The following CCSER1 variants were observed in gnomAD, a reference collection of about 807,000 sequenced individuals.
The protein encoded by CCSER1 is coiled-coil serine rich protein 1.
A neutral mutation model predicts 82.0 loss-of-function variants in CCSER1; 41 were observed. The ratio of observed to expected loss-of-function variants is 0.50; its 90% CI spans 0.39 to 0.65. The LOEUF is 0.65. Among genes scored for constraint, CCSER1 ranks in the 30% least tolerant of loss-of-function variants. CCSER1 has a pLI of 0.00. For synonymous variants in CCSER1, 414 were observed against 383.9 expected (o/e 1.08, Z -0.92); for missense variants, 1,119 against 1,064.2 (o/e 1.05, Z -0.72).
intron 10 of CCSER1, among the ~76,000 whole-genome samples, chr4:91,355,803 G>C (rs1393584862): frequency 6.6e-6 from 1 of 152,144 alleles, no homozygotes; most frequent in East Asian, 1.9e-4. Flanking sequence ...CCAGTCTACT[G>C]ATGTGTAAGG....
rs545585412 is a variant in CCSER1, at chr4:91,147,640, C to T, written c.2217+61646C>T. ...CAGGTCTACAGTTTTATTTTCTGGC[C>T]CCTTAGGGTGGAGCACCAGCTGTGC... On this transcript the variant is annotated intron_variant, in intron 10 of 10. Transcript: ENST00000509176. 5.9e-5 allele frequency among the ~76,000 whole-genome samples: 9 copies of T among 152,234 alleles called. No homozygotes were observed. The South Asian group carries it at 1.2e-3, about 21-fold the overall frequency.
intron 7 of CCSER1, among the ~76,000 whole-genome samples, chr4:90,785,225 A>G (rs1277783972): frequency 6.6e-6 from 1 of 151,896 alleles, no homozygotes. Flanking sequence ...TTTTATGGAG[A>G]TGGGGTTTCA....
intron 10 of CCSER1, among the ~76,000 whole-genome samples, chr4:91,433,078 C>T (rs1159326541): frequency 1.3e-5 from 2 of 152,074 alleles, no homozygotes; most frequent in African/African-American, 2.4e-5. Flanking sequence ...ATATAAGCCA[C>T]ATTAATTTAC....
At chr4:90,388,265 G>A (rs1561145375) in intron 3 of CCSER1, among the ~76,000 whole-genome samples, 1 of 151,910 alleles carries the variant, frequency 6.6e-6, no homozygotes, top group African/African-American at 2.4e-5. Flanking sequence ...TTTGACACAA[G>A]AGTGACATAG....
At chr4:90,747,577 G>A (rs72875647) in intron 7 of CCSER1, among the ~76,000 whole-genome samples, 49,107 of 151,828 alleles carry the variant, frequency 0.32, 9,024 homozygotes, top group African/African-American at 0.51. Context: ...GTTTTCAGTA[G>A]GATATTCTCT....
intron 10 of CCSER1, among the ~76,000 whole-genome samples, chr4:91,197,770 C>A (rs1012664539): frequency 1.3e-5 from 2 of 152,146 alleles, no homozygotes; most frequent in East Asian, 1.9e-4. Flanking sequence ...CCTCACTATA[C>A]GTGCCCCCAT....
intron 5 of CCSER1, among the ~76,000 whole-genome samples, chr4:90,551,952 A>G (rs1268869469): frequency 6.6e-6 from 1 of 152,022 alleles, no homozygotes; most frequent in African/African-American, 2.4e-5. Context: ...GCTGAGGGCT[A>G]TTCTCTGTTT....
chr4:90,808,829 G>A (rs998413775), intron 7 of CCSER1, among the ~76,000 whole-genome samples: 1 of 152,102 alleles, frequency 6.6e-6, no homozygotes, highest in Non-Finnish European at 1.5e-5. Flanking sequence ...AAAATATTAT[G>A]GAGATTTCTC....
chr4:90,771,897 C>T (rs1752236540), intron 7 of CCSER1, among the ~76,000 whole-genome samples: 1 of 152,038 alleles, frequency 6.6e-6, no homozygotes, highest in Non-Finnish European at 1.5e-5. Context: ...ACCACTGGCA[C>T]TTGGTAGGAG....
chr4:90,722,988 C>T (rs1426849384), intron 6 of CCSER1, among the ~76,000 whole-genome samples: 1 of 151,906 alleles, frequency 6.6e-6, no homozygotes, highest in African/African-American at 2.4e-5. Context: ...GAGGTGAATT[C>T]ATTCTTTGGT....
chr4:90,942,106 C>T (rs1581161679), intron 9 of CCSER1, among the ~76,000 whole-genome samples: 1 of 152,140 alleles, frequency 6.6e-6, no homozygotes, highest in East Asian at 1.9e-4. Context: ...CACCATCATA[C>T]TCAGCTCATT....
chr4:90,572,274 C>G (rs1780201650), intron 5 of CCSER1, among the ~76,000 whole-genome samples: 1 of 152,118 alleles, frequency 6.6e-6, no homozygotes, highest in African/African-American at 2.4e-5. Context: ...TTTCTGCTTT[C>G]AGAATACTCT....
chr4:90,850,156 G>T (rs568261634), intron 8 of CCSER1, among the ~76,000 whole-genome samples: 1 of 152,192 alleles, frequency 6.6e-6, no homozygotes, highest in Non-Finnish European at 1.5e-5. Flanking sequence ...GCCTGTGGGT[G>T]TACAGGAGTC....
chr4:90,481,684 G>A (rs573284255), intron 5 of CCSER1, among the ~76,000 whole-genome samples: 41 of 152,164 alleles, frequency 2.7e-4, no homozygotes, highest in Non-Finnish European at 4.9e-4. Flanking sequence ...ATTGATTTTC[G>A]TATGTTGAAG....
At chr4:90,738,694 C>T (rs994178490) in intron 7 of CCSER1, among the ~76,000 whole-genome samples, 1 of 152,160 alleles carries the variant, frequency 6.6e-6, no homozygotes, top group Non-Finnish European at 1.5e-5. Context: ...GTGAATCCAG[C>T]CAGGCTTGTT....
chr4:91,085,167 G>T (rs939544817), intron 9 of CCSER1, among the ~76,000 whole-genome samples: 4 of 151,202 alleles, frequency 2.6e-5, no homozygotes, highest in Admixed American at 2.6e-4. Flanking sequence ...CATTGGTAAT[G>T]CAAATATATA....
intron 9 of CCSER1, among the ~76,000 whole-genome samples, chr4:90,965,537 A>G (rs1315824783): frequency 1.3e-5 from 2 of 152,178 alleles, no homozygotes; most frequent in East Asian, 1.9e-4. Context: ...TGGCCAATAC[A>G]TTCAAGATAA....
chr4:90,217,056 T>G (rs1186737663), intron 1 of CCSER1, among the ~76,000 whole-genome samples: 2 of 152,154 alleles, frequency 1.3e-5, no homozygotes, highest in African/African-American at 2.4e-5. Flanking sequence ...CTGTTGTAAA[T>G]GAGATTACAT....
At chr4:90,343,778 A>G (rs1156842905) in intron 3 of CCSER1, among the ~76,000 whole-genome samples, 1 of 152,108 alleles carries the variant, frequency 6.6e-6, no homozygotes, top group East Asian at 1.9e-4. Flanking sequence ...AGTGGTATAT[A>G]TATGTATGAG....
Sources: gnomAD v4.1 joint callset for allele counts (sites outside exome capture counted in the v4.1 genomes callset) on GRCh38, gnomAD v4.1.1 for gene constraint, MANE v1.5 for transcripts, NCBI Gene and HGNC (gene_info 2026-07-23, HGNC 2026-07-21) for gene names.